TENM3: variants seen among roughly 807,000 people sequenced by gnomAD.
TENM3 encodes teneurin-3.
TENM3 carries 63 observed loss-of-function variants against 255.1 expected under a neutral mutation model. The observed-to-expected ratio is 0.25, with a 90% CI of 0.20 to 0.30. The LOEUF is 0.30. TENM3 is among the 10% of genes least tolerant of loss of function. The pLI is 1.00. For missense variants in TENM3, 2,929 were observed against 3,461.1 expected (o/e 0.85, Z 3.86); for synonymous variants, 1,306 against 1,322.3 (o/e 0.99, Z 0.27).
the TENM3 span, among the ~76,000 whole-genome samples, chr4:181,810,176 C>T: frequency 6.6e-6 from 1 of 152,148 alleles, no homozygotes; most frequent in Non-Finnish European, 1.5e-5. Flanking sequence ...AGAAAAGCAG[C>T]ACTCTCTAAA....
intron 3 of TENM3, among the ~76,000 whole-genome samples, chr4:182,516,890 CAA>C (rs71605070): frequency 2.3e-5 from 3 of 128,154 alleles, no homozygotes; most frequent in Non-Finnish European, 1.6e-5. Flanking sequence ...GACCCAGTCT[CAA>C]AAAAAAAAAA....
chr4:182,027,926 G>A, the TENM3 span, among the ~76,000 whole-genome samples: 1 of 151,918 alleles, frequency 6.6e-6, no homozygotes, highest in Non-Finnish European at 1.5e-5. Context: ...CTGTAGTTGG[G>A]TTTGTTTGTT....
chr4:182,442,877 C>T (rs80350513), intron 3 of TENM3, among the ~76,000 whole-genome samples: 32 of 131,456 alleles, frequency 2.4e-4, no homozygotes, highest in African/African-American at 9.4e-4. Context: ...CACACACACA[C>T]ACATATATAT....
chr4:182,077,267 C>G, the TENM3 span, among the ~76,000 whole-genome samples: 1 of 152,128 alleles, frequency 6.6e-6, no homozygotes, highest in African/African-American at 2.4e-5. Context: ...TTCTCCACTT[C>G]AAATAAATTA....
rs542487096 is a variant in TENM3, at chr4:182,725,828, G to A, written c.2369-3137G>A. Among the ~76,000 whole-genome samples the A allele has an allele frequency of 8.6e-5, 13 of 151,766 alleles. No homozygotes were observed. In the East Asian group the frequency reaches 2.5e-3, roughly 30 times the overall value. The stretch of plus-strand genomic sequence containing the variant: ...TTTTTTTGTATTTTTAGTAGAGACG[G>A]GGTTTCACCATGTTGGCCAGGCTGG... On this transcript the variant is annotated intron_variant, in intron 13 of 27. Transcript: ENST00000511685.
rs114357881 is a variant in TENM3, at chr4:182,303,653, C to T, written c.-75-20293C>T. 4.9e-3 allele frequency among the ~76,000 whole-genome samples: 747 copies of T among 152,158 alleles called. 4 individuals are homozygous for T. Among genetic ancestry groups the T allele is most frequent in the African/African-American group, 0.017 (711 of 41,486 alleles). ...CTTGGTGGGGGGGGTGACTTAATTT[C>T]TCTTGAGTCTAGATTTCCTTATGTG... is the stretch of plus-strand genomic sequence containing the variant. On this transcript the variant is annotated intron_variant, in intron 1 of 27. Coordinates refer to ENST00000511685, the MANE Select transcript of TENM3 (RefSeq NM_001080477.4).
At chr4:181,774,022 T>TATTA in the TENM3 span, among the ~76,000 whole-genome samples, 1 of 131,984 alleles carries the variant, frequency 7.6e-6, no homozygotes, top group African/African-American at 3.4e-5. Flanking sequence ...TTTTTTTTTT[T>TATTA]TTTTTTATTA....
the TENM3 span, among the ~76,000 whole-genome samples, chr4:181,595,982 GTATT>G: frequency 6.6e-6 from 1 of 152,060 alleles, no homozygotes; most frequent in African/African-American, 2.4e-5. Context: ...CTCTTAAAAA[GTATT>G]TGGGCATTTC....
chr4:182,636,738 GA>G (rs72215926), intron 5 of TENM3, among the ~76,000 whole-genome samples: 1 of 92,092 alleles, frequency 1.1e-5, no homozygotes, highest in African/African-American at 6.2e-5. Flanking sequence ...AAGAAAGAAA[GA>G]AAAGAAAAGA....
chr4:181,490,773 T>A, the TENM3 span, among the ~76,000 whole-genome samples: 2 of 152,166 alleles, frequency 1.3e-5, no homozygotes. Context: ...TGTTATTTTT[T>A]AAAATGAGAA....
chr4:182,094,950 A>G, the TENM3 span, among the ~76,000 whole-genome samples: 2 of 140,196 alleles, frequency 1.4e-5, no homozygotes, highest in Non-Finnish European at 3.2e-5. Context: ...GTAAAAAAAA[A>G]AAAAAAGGAA....
At chr4:182,455,161 A>G (rs1276410211) in intron 3 of TENM3, among the ~76,000 whole-genome samples, 1 of 152,200 alleles carries the variant, frequency 6.6e-6, no homozygotes, top group Non-Finnish European at 1.5e-5. Context: ...AGAGAGTCAC[A>G]TTTTCTTGAT....
chr4:181,926,483 A>G, the TENM3 span, among the ~76,000 whole-genome samples: 9 of 152,260 alleles, frequency 5.9e-5, no homozygotes, highest in African/African-American at 2.2e-4. Context: ...AGATCATTGA[A>G]GAAAATTGAG....
the TENM3 span, among the ~76,000 whole-genome samples, chr4:181,745,326 T>A: frequency 4.6e-5 from 7 of 151,402 alleles, no homozygotes; most frequent in Admixed American, 1.3e-4. Context: ...AGGAGAGAAA[T>A]TGGGAAATGG....
rs938873051 is a variant in TENM3, at chr4:182,800,957, G to A, written c.*606G>A. 1.3e-5 allele frequency: 2 copies of A among 152,662 alleles called. No individual in the cohort carries two copies. Among genetic ancestry groups the A allele is most frequent in the Admixed American group, 6.5e-5 (1 of 15,282 alleles). 9.5% of individuals were successfully genotyped at this position (152,662 alleles called of 1,614,324 possible). A position where few individuals can be genotyped will look rare whatever the true frequency, so the allele number is the denominator to read the frequency against. On this transcript the variant is annotated 3_prime_UTR_variant, in exon 28 of 28. Coordinates refer to ENST00000511685, the MANE Select transcript of TENM3 (RefSeq NM_001080477.4). The stretch of plus-strand genomic sequence containing the variant: ...GAAAAAACTGGCAACTAGAATCCTT[G>A]TCACTGATAAGCAAAGGAAATCCTG...
Position 182,779,147 on chromosome 4 carries a change from A to G in TENM3, c.5304+3994A>G, listed in dbSNP as rs532501954. ...ATGTATACATGTGCCATGCTGGTAC[A>G]CTGCACCCACTAACTCGTCATCTAG... is the stretch of plus-strand genomic sequence containing the variant. On this transcript the variant is annotated intron_variant, in intron 24 of 27. Coordinates refer to ENST00000511685, the MANE Select transcript of TENM3 (RefSeq NM_001080477.4). Among the ~76,000 whole-genome samples, 407 of 149,750 alleles carry G rather than the reference A, an allele frequency of 2.7e-3. 1 individual carries two copies. Among genetic ancestry groups the G allele is most frequent in the African/African-American group, 9.2e-3 (373 of 40,540 alleles).
chr4:182,495,672 AAC>A (rs1735709407), intron 3 of TENM3, among the ~76,000 whole-genome samples: 1 of 152,190 alleles, frequency 6.6e-6, no homozygotes, highest in Admixed American at 6.5e-5. Context: ...CATTATGTTA[AAC>A]AGTCTAGCTT....
chr4:182,468,362 A>G (rs973615284), intron 3 of TENM3, among the ~76,000 whole-genome samples: 6 of 152,200 alleles, frequency 3.9e-5, no homozygotes, highest in Admixed American at 3.9e-4. Context: ...TTTAAGCTCA[A>G]GGTAAGGTAT....
At chr4:181,864,430 AAAAG>A in the TENM3 span, among the ~76,000 whole-genome samples, 7 of 151,856 alleles carry the variant, frequency 4.6e-5, no homozygotes, top group African/African-American at 1.7e-4. Flanking sequence ...CCAGGAGACA[AAAAG>A]AGAGAGAGAG....
Sources: allele counts gnomAD v4.1 joint callset (sites outside exome capture counted in the v4.1 genomes callset), GRCh38; gene constraint gnomAD v4.1.1; transcripts MANE v1.5; gene names NCBI Gene and HGNC (gene_info 2026-07-23, HGNC 2026-07-21).